The following HK1 variants were observed in gnomAD, a reference collection of about 807,000 sequenced individuals.
HK1 encodes the protein hexokinase-1.
HK1 carries 28 observed loss-of-function variants against 91.6 expected under a neutral mutation model. That is an observed-to-expected ratio of 0.31 (90% CI 0.23 to 0.42). HK1 has a LOEUF of 0.42. Among genes scored for constraint, HK1 ranks in the 10% least tolerant of loss-of-function variants. The pLI is 1.00. For synonymous variants in HK1, 430 were observed against 468.1 expected, an observed-to-expected ratio of 0.92 and a Z score of 1.05; for missense variants, 770 against 1,219.8, an observed-to-expected ratio of 0.63 and a Z score of 5.49.
intron 1 of HK1, among the ~76,000 whole-genome samples, chr10:69,328,529 C>T (rs1209252492): frequency 6.6e-6 from 1 of 152,198 alleles, no homozygotes; most frequent in African/African-American, 2.4e-5. Context: ...CCACAACGCC[C>T]TTGTGAGGTG....
intron 7 of HK1, among the ~76,000 whole-genome samples, chr10:69,371,348 C>T (rs1171225815): frequency 6.6e-6 from 1 of 150,652 alleles, no homozygotes; most frequent in East Asian, 2.0e-4. Context: ...CCATTGACCC[C>T]ACTGGCATGA....
Position 69,401,300 on chromosome 10 carries a change from G to C in HK1, c.*165G>C. ...GGTATATATTGTAGGGTACAGAATAGAGCGTGTGCTGTTGATAATATCTCT... is the reference window on the plus strand; with the variant it reads ...GGTATATATTGTAGGGTACAGAATACAGCGTGTGCTGTTGATAATATCTCT... On this transcript the variant is annotated 3_prime_UTR_variant, in exon 18 of 18. Coordinates refer to ENST00000359426, the MANE Select transcript of HK1 (RefSeq NM_000188.3). 1.4e-6 allele frequency: 1 copy of C among 728,500 alleles called. No homozygotes were observed. The highest frequency in any genetic ancestry group is 2.3e-6 in the Non-Finnish European group (1 of 434,962). 45.1% of individuals were successfully genotyped at this position (728,500 alleles called of 1,614,324 possible). A position where few individuals can be genotyped will look rare whatever the true frequency, so the allele number is the denominator to read the frequency against.
At chr10:69,388,539 C>CAT (rs754479858) in intron 13 of HK1, among the ~76,000 whole-genome samples, 1 of 151,596 alleles carries the variant, frequency 6.6e-6, no homozygotes, top group African/African-American at 2.4e-5. Flanking sequence ...CATATGCCAA[C>CAT]ACACACACAC....
intron 2 of HK1, among the ~76,000 whole-genome samples, chr10:69,357,566 T>G (rs1405559950): frequency 1.3e-5 from 2 of 152,070 alleles, no homozygotes. Context: ...TTCTCCTACC[T>G]CAGTCTCCAA....
At chr10:69,378,104 C>G (rs140953014) in intron 8 of HK1, among the ~76,000 whole-genome samples, 64 of 152,280 alleles carry the variant, frequency 4.2e-4, no homozygotes, top group African/African-American at 1.5e-3. Context: ...TCCTGAGTTT[C>G]CAGCTGTCCC....
intron 1 of HK1, among the ~76,000 whole-genome samples, chr10:69,342,385 C>T (rs1848338516): frequency 6.6e-6 from 1 of 152,148 alleles, no homozygotes; most frequent in African/African-American, 2.4e-5. Context: ...TGGTGATATC[C>T]AGCCTGAAGG....
intron 3 of HK1, among the ~76,000 whole-genome samples, chr10:69,289,072 G>A (rs1219489109): frequency 6.6e-6 from 1 of 152,044 alleles, no homozygotes; most frequent in Non-Finnish European, 1.5e-5. Flanking sequence ...AAGCCGCTCT[G>A]GTGTTTCTTT....
chr10:69,318,284 C>A, upstream of HK1: 1 of 937,852 alleles, frequency 1.1e-6, no homozygotes, highest in Non-Finnish European at 1.3e-6. Context: ...GACCCGGGTG[C>A]GAGGACTGCG....
Position 69,377,045 on chromosome 10 carries a change from C to A in HK1, c.987C>A (p.Leu329=). ...AAGGGCGGATCACCCCGGAGCTGCT[C>A]ACCCGAGGGAAGTTTAACACCAGTG... ...LFEGRITPEL[L]TRGKFNTSDV... is the part of the protein sequence containing the mutation. Residue 329 remains leucine (L), a synonymous_variant, in exon 8 of 18, where the codon CTC becomes CTA. Transcript: ENST00000359426. 1 of 1,614,174 alleles carries A rather than the reference C, an allele frequency of 6.2e-7. No homozygotes were observed. The highest frequency in any genetic ancestry group is 1.7e-5 in the Admixed American group (1 of 60,022).
At chr10:69,300,804 T>C (rs2132497861) in exon 5 of HK1, 2 of 1,611,138 alleles carry the variant, frequency 1.2e-6, no homozygotes, top group Non-Finnish European at 8.5e-7. Context: ...AGCCAGGACA[T>C]TAATGTGCAC....
chr10:69,363,742 T>C (rs1186125525), intron 3 of HK1, among the ~76,000 whole-genome samples: 1 of 152,208 alleles, frequency 6.6e-6, no homozygotes, highest in Non-Finnish European at 1.5e-5. Flanking sequence ...CTTAGAGGTG[T>C]TGAGCCTCTC....
chr10:69,290,102 C>T (rs1845230410), intron 3 of HK1, among the ~76,000 whole-genome samples: 1 of 152,108 alleles, frequency 6.6e-6, no homozygotes, highest in South Asian at 2.1e-4. Context: ...CCCCCACCAA[C>T]AGAACAATCT....
At chr10:69,351,521 C>CA (rs1391709484) in intron 2 of HK1, among the ~76,000 whole-genome samples, 2 of 147,674 alleles carry the variant, frequency 1.4e-5, no homozygotes, top group Admixed American at 1.3e-4. Context: ...AAAACAAAAA[C>CA]AAAAACAAAA....
At chr10:69,327,947 C>T (rs1298194020) in intron 1 of HK1, among the ~76,000 whole-genome samples, 3 of 152,182 alleles carry the variant, frequency 2.0e-5, no homozygotes, top group African/African-American at 7.2e-5. Flanking sequence ...ATAGTTGATG[C>T]AGGGAAAGGC....
At position 69,386,429 on chromosome 10, in the gene HK1, A is replaced by G. The variant is rs202143349; in HGVS notation, c.1935+11A>G. 7 of 1,594,110 alleles carry G rather than the reference A, an allele frequency of 4.4e-6. No individual in the cohort carries two copies. The South Asian group carries it at 7.7e-5, about 18-fold the overall frequency. On this transcript the variant is annotated intron_variant, in intron 13 of 17. Transcript: ENST00000359426. ...ATAAAAAGGAGAGAGGTAACTATTA[A>G]AAGAATGTTTTTTAAAATCTTTACT...
chr10:69,391,302 A>C (rs937228106), intron 14 of HK1, among the ~76,000 whole-genome samples: 3 of 152,372 alleles, frequency 2.0e-5, no homozygotes, highest in African/African-American at 7.2e-5. Context: ...GTATGTAGGA[A>C]AGCTTATTGA....
Position 69,368,591 on chromosome 10 carries a change from A to G in HK1, c.551A>G (p.Asp184Gly). The change falls in exon 5 of 18, where the codon GAT (aspartate) becomes GGT (glycine). Residue 184 changes from aspartate (D) to glycine (G), a missense_variant. By Grantham distance (94) the Asp-to-Gly change is moderately conservative. Around this residue, in one of 7 missense-constraint regions of HK1, gnomAD observed 449 missense variants for 665.1 expected, o/e 0.68. Coordinates refer to ENST00000359426, the MANE Select transcript of HK1 (RefSeq NM_000188.3). ...AAAGCGAGCGGAGTGGAAGGAGCAG[A>G]TGTGGTCAAACTGCTTAACAAAGCC... ...RFKASGVEGA[D>G]VVKLLNKAIK... 1 of 1,614,204 alleles carries G rather than the reference A, an allele frequency of 6.2e-7. No individual in the cohort carries two copies. Among genetic ancestry groups the G allele is most frequent in the Non-Finnish European group, 8.5e-7 (1 of 1,180,010 alleles).
chr10:69,321,335 C>T (rs1847010220), intron 1 of HK1, among the ~76,000 whole-genome samples: 1 of 152,190 alleles, frequency 6.6e-6, no homozygotes, highest in South Asian at 2.1e-4. Flanking sequence ...ATGCTGGGGA[C>T]CACATCTGCT....
chr10:69,287,893 C>A (rs965956615), intron 2 of HK1, among the ~76,000 whole-genome samples: 1 of 151,542 alleles, frequency 6.6e-6, no homozygotes, highest in Non-Finnish European at 1.5e-5. Context: ...AATCCCAGCA[C>A]TTTGGGAGGC....
Sources: allele counts gnomAD v4.1 joint callset (sites outside exome capture counted in the v4.1 genomes callset), GRCh38; gene constraint gnomAD v4.1.1; regional missense constraint gnomAD v4.1.1; transcripts MANE v1.5; gene names NCBI Gene and HGNC (gene_info 2026-07-23, HGNC 2026-07-21).